SPTA1: variants seen among roughly 807,000 people sequenced by gnomAD.
SPTA1 encodes spectrin alpha, erythrocytic 1.
Under a neutral mutation model 324.7 loss-of-function variants are expected in SPTA1, and 177 were observed. That is an observed-to-expected ratio of 0.55 (90% CI 0.48 to 0.62). SPTA1 has a LOEUF of 0.62. Among genes scored for constraint, SPTA1 ranks in the 20% least tolerant of loss-of-function variants. SPTA1 has a pLI of 0.00. For synonymous variants in SPTA1, 1,195 were observed against 1,041.3 expected, an observed-to-expected ratio of 1.15 and a Z score of -2.84; for missense variants, 3,162 against 2,883.6, an observed-to-expected ratio of 1.10 and a Z score of -2.21.
At position 158,642,677 on chromosome 1, in the gene SPTA1, A is replaced by G. The variant is rs567625300; in HGVS notation, c.4606-135T>C. The G allele has an allele frequency of 3.2e-6, 5 of 1,563,370 alleles. No homozygotes were observed. In the Admixed American group the frequency reaches 8.5e-5, roughly 27 times the overall value. On this transcript the variant is annotated intron_variant, in intron 32 of 51. Coordinates refer to ENST00000643759, the MANE Select transcript of SPTA1 (RefSeq NM_003126.4). ...CGGTGACTTCTGAAGAACCTGCTCC[A>G]CATCAGACTCTGAAGTCTCTGAGAG...
rs1649381822 is a variant in SPTA1 at position 158,613,572 on chromosome 1, A to C, written c.6989+149T>G. 2.7e-6 allele frequency: 3 copies of C among 1,103,810 alleles called. No homozygotes were observed. The South Asian group carries it at 4.1e-5, about 15-fold the overall frequency. 68.4% of individuals were successfully genotyped at this position (1,103,810 alleles called of 1,614,324 possible). On this transcript the variant is annotated intron_variant, in intron 50 of 51. Coordinates refer to ENST00000643759, the MANE Select transcript of SPTA1 (RefSeq NM_003126.4). The stretch of plus-strand genomic sequence containing the variant: ...ACTGCTGAGCTAATCTTGAAAGGGC[A>C]CCAAGAGCTGCCTAATTCATTTATG...
rs1384831254 is a variant in SPTA1 at position 158,626,999 on chromosome 1, C to A, written c.5673G>T (p.Gln1891His). Residue 1891 changes from glutamine to histidine, a missense_variant, in exon 41 of 52, where the codon CAG becomes CAT. Coordinates refer to ENST00000643759, the MANE Select transcript of SPTA1 (RefSeq NM_003126.4). ...QGEDILNKVL[Q>H]EESQNKEISS... ...AAATCTCTTTGTTCTGACTTTCCTC[C>A]TGCAACACCTGTGAGAAGGGGAGAG... 1.2e-6 allele frequency: 2 copies of A among 1,613,758 alleles called. No individual in the cohort carries two copies. Among genetic ancestry groups the A allele is most frequent in the Admixed American group, 1.7e-5 (1 of 60,000 alleles).
At chr1:158,622,102 G>A (rs1329932969) in intron 43 of SPTA1, among the ~76,000 whole-genome samples, 1 of 152,176 alleles carries the variant, frequency 6.6e-6, no homozygotes, top group Non-Finnish European at 1.5e-5. Context: ...CTGATCTAGT[G>A]ATCCACCTGC....
rs1333661514 is a variant in SPTA1 at position 158,615,347 on chromosome 1, C to A, written c.6657G>T (p.Leu2219=). 1.2e-6 allele frequency: 2 copies of A among 1,614,108 alleles called. No homozygotes were observed. The highest frequency in any genetic ancestry group is 1.7e-6 in the Non-Finnish European group (2 of 1,180,020). Residue 2219 remains leucine, a synonymous_variant, in exon 48 of 52, where the codon CTG becomes CTT. Transcript: ENST00000643759. ...TCAGAGCGTCTTCCAAGTTGTCCCC[C>A]AGGTCCACAATCTTGGTTAGTTGAC... ...MKRQLTKIVD[L]GDNLEDALIL... is the part of the protein sequence containing the mutation.
At chr1:158,685,451 A>G in intron 1 of SPTA1, 104 bp from the exon 2 acceptor site, 1 of 1,518,300 alleles carries the variant, frequency 6.6e-7, no homozygotes. Context: ...CTATATTCAG[A>G]TATCCTGAAG....
chr1:158,684,395 C>T (rs965731079), intron 2 of SPTA1, among the ~76,000 whole-genome samples: 9 of 152,066 alleles, frequency 5.9e-5, no homozygotes, highest in African/African-American at 2.2e-4. Flanking sequence ...CCCTATTTCC[C>T]TTCTTAATGT....
At chr1:158,623,928 G>A (rs1557927854) in intron 42 of SPTA1, among the ~76,000 whole-genome samples, 1 of 152,198 alleles carries the variant, frequency 6.6e-6, no homozygotes. Flanking sequence ...GTGACTTGGT[G>A]CTCTGCATTC....
At chr1:158,665,809 A>G (rs1332325937) in intron 16 of SPTA1, among the ~76,000 whole-genome samples, 1 of 152,206 alleles carries the variant, frequency 6.6e-6, no homozygotes, top group African/African-American at 2.4e-5. Context: ...TGAACAGGAA[A>G]AGACAACTTT....
At chr1:158,658,224 T>G (rs1029083) in intron 18 of SPTA1, among the ~76,000 whole-genome samples, 60,209 of 151,934 alleles carry the variant, frequency 0.4, 14,949 homozygotes, top group African/African-American at 0.71. Context: ...TAGGCCTGGG[T>G]AGCTAACCCA....
chr1:158,642,659 T>C, intron 32 of SPTA1, 117 bp from the exon 33 acceptor site: 1 of 1,573,040 alleles, frequency 6.4e-7, no homozygotes, highest in Non-Finnish European at 8.7e-7. Flanking sequence ...TGACGGTGAC[T>C]TCTGAAGAAC....
intron 19 of SPTA1, among the ~76,000 whole-genome samples, chr1:158,657,105 C>G (rs1353533712): frequency 6.6e-6 from 1 of 152,128 alleles, no homozygotes; most frequent in Admixed American, 6.5e-5. Flanking sequence ...CCCAACATAT[C>G]TGTCCAATTT....
At chr1:158,680,455 C>T (rs928140220) in intron 5 of SPTA1, 128 bp downstream of exon 5, 2 of 1,352,686 alleles carry the variant, frequency 1.5e-6, no homozygotes, top group East Asian at 2.3e-5. Context: ...ATATGTTACT[C>T]CAGGAACATG....
At position 158,674,217 on chromosome 1, in the gene SPTA1, C is replaced by A; in HGVS notation, c.1350+112G>T. ...AAAAGTTTGATTCATATTATTAACA[C>A]GTTTAAATGACTTCTATTCTTTTCC... On this transcript the variant is annotated intron_variant, in intron 10 of 51. Transcript: ENST00000643759. 4 of 1,103,560 alleles carry A rather than the reference C, an allele frequency of 3.6e-6. No homozygotes were observed. In the South Asian group the frequency reaches 3.8e-5, roughly 10 times the overall value. 68.4% of individuals were successfully genotyped at this position (1,103,560 alleles called of 1,614,324 possible).
intron 5 of SPTA1, among the ~76,000 whole-genome samples, chr1:158,679,663 A>T (rs11265050): frequency 0.02 from 2,990 of 152,136 alleles, 103 homozygotes; most frequent in African/African-American, 0.069. Context: ...ATCACTTCAG[A>T]CACATAAAAA....
Position 158,642,469 on chromosome 1 carries a change from T to C in SPTA1, c.4679A>G (p.Asn1560Ser). The C allele has an allele frequency of 1.2e-6, 2 of 1,613,700 alleles. No individual in the cohort carries two copies. Among genetic ancestry groups the C allele is most frequent in the South Asian group, 2.2e-5 (2 of 91,068 alleles). The change falls in exon 33 of 52, where the codon AAC becomes AGC. Residue 1560 changes from asparagine (N) to serine (S), a missense_variant. Coordinates refer to ENST00000643759, the MANE Select transcript of SPTA1 (RefSeq NM_003126.4). Reference sequence around the variant, plus strand: ...ACACTCAATCAGGGAGTTCCCCAGGTTGATGACGCCATGCACCTGCTCAGA... The same window carrying C: ...ACACTCAATCAGGGAGTTCCCCAGGCTGATGACGCCATGCACCTGCTCAGA... ...GRSEQVHGVINLGNSLIECSA... is the reference protein window; with the variant it reads ...GRSEQVHGVISLGNSLIECSA...
At chr1:158,641,047 A>C (rs1445296195) in intron 33 of SPTA1, among the ~76,000 whole-genome samples, 3 of 152,202 alleles carry the variant, frequency 2.0e-5, no homozygotes, top group Non-Finnish European at 2.9e-5. Context: ...TGAGAAAAAC[A>C]AGCAATGGGG....
At chr1:158,635,827 G>A (rs916324893) in intron 38 of SPTA1, 86 bp downstream of exon 38, 72 of 1,593,840 alleles carry the variant, frequency 4.5e-5, no homozygotes, top group Non-Finnish European at 5.2e-5. Context: ...AGCAGACAAT[G>A]CTGAGCAGGC....
At chr1:158,656,738 A>C in intron 19 of SPTA1, 82 bp from the exon 20 acceptor site, 1 of 1,324,638 alleles carries the variant, frequency 7.5e-7, no homozygotes, top group South Asian at 1.2e-5. Flanking sequence ...GGGTTATGCT[A>C]TTTGTCTTAA....
Position 158,661,387 on chromosome 1 carries a change from T to C in SPTA1, c.2487A>G (p.Lys829=). The change falls in exon 18 of 52, where the codon AAA becomes AAG. Residue 829 remains lysine (K), a synonymous_variant. Coordinates refer to ENST00000643759, the MANE Select transcript of SPTA1 (RefSeq NM_003126.4). ...TYLGKDLIAS[K]KLLNRHRVIL... is the part of the protein sequence containing the mutation. ...TGACTCTATGCCTATTCAGAAGCTTTTTGGAAGCAATCAGGTCCTTTCCTG... is the reference window on the plus strand; with the variant it reads ...TGACTCTATGCCTATTCAGAAGCTTCTTGGAAGCAATCAGGTCCTTTCCTG... 6.2e-7 allele frequency: 1 copy of C among 1,613,934 alleles called. No homozygotes were observed. The highest frequency in any genetic ancestry group is 8.5e-7 in the Non-Finnish European group (1 of 1,179,874).
Sources: gnomAD v4.1 joint callset for allele counts (sites outside exome capture counted in the v4.1 genomes callset) on GRCh38, gnomAD v4.1.1 for gene constraint, MANE v1.5 for transcripts, NCBI Gene and HGNC (gene_info 2026-07-23, HGNC 2026-07-21) for gene names.